The following DAB1 variants were observed in gnomAD, a reference collection of about 807,000 sequenced individuals.
DAB1 encodes the protein DAB adaptor protein 1.
In DAB1, 15 loss-of-function variants were observed where a neutral mutation model predicts 64.6. The ratio of observed to expected loss-of-function variants is 0.23; its 90% confidence interval spans 0.16 to 0.36. DAB1 has a LOEUF of 0.36. Ranked by LOEUF, DAB1 falls within the 10% of genes least tolerant of loss-of-function variation. The pLI, the probability that DAB1 is intolerant of heterozygous loss-of-function variation, is 1.00. For missense variants in DAB1, 596 were observed against 706.7 expected, an observed-to-expected ratio of 0.84 and a Z score of 1.78; for synonymous variants, 235 against 251.9, an observed-to-expected ratio of 0.93 and a Z score of 0.64.
chr1:57,081,614 T>C (rs749387982), intron 4 of DAB1, among the ~76,000 whole-genome samples: 2 of 152,078 alleles, frequency 1.3e-5, no homozygotes, highest in African/African-American at 2.4e-5. Context: ...CTTTTTGAGG[T>C]GAGTTTTCCA....
At chr1:58,224,733 GGT>G (rs1220387065) in intron 4 of DAB1, among the ~76,000 whole-genome samples, 1 of 152,102 alleles carries the variant, frequency 6.6e-6, no homozygotes, top group African/African-American at 2.4e-5. Context: ...TTTAATAAAT[GGT>G]GCTGGGAAAA....
chr1:57,694,726 C>T lies in DAB1; in HGVS notation n.552-45061G>A, dbSNP rs181353649. 8.4e-3 allele frequency among the ~76,000 whole-genome samples: 1,275 copies of T among 151,984 alleles called. 17 individuals are homozygous for T. The highest frequency in any genetic ancestry group is 0.029 in the African/African-American group (1,221 of 41,448). On this transcript the variant is annotated intron_variant and non_coding_transcript_variant, in intron 6 of 20. Coordinates refer to the DAB1 transcript ENST00000485760. ...TTATTTTGGGACATTCCAAGAATTCCGTAAGTATCAGAAAGGTGTAATAAA... is the reference window on the plus strand; with the variant it reads ...TTATTTTGGGACATTCCAAGAATTCTGTAAGTATCAGAAAGGTGTAATAAA...
At chr1:57,115,439 T>A (rs12073482) in intron 4 of DAB1, among the ~76,000 whole-genome samples, 1,993 of 152,296 alleles carry the variant, frequency 0.013, 43 homozygotes, top group African/African-American at 0.044. Context: ...AACAGCCCAG[T>A]CTGAAAGCTT....
At chr1:58,036,211 T>C (rs1302412800) in intron 5 of DAB1, among the ~76,000 whole-genome samples, 1 of 152,242 alleles carries the variant, frequency 6.6e-6, no homozygotes, top group Non-Finnish European at 1.5e-5. Context: ...ATTGTATTAA[T>C]TCATTTGCTC....
chr1:57,330,510 G>C lies in DAB1; in HGVS notation c.-136-39344C>G, dbSNP rs543030046. Among the ~76,000 whole-genome samples the C allele has an allele frequency of 1.7e-4, 26 of 152,268 alleles. No homozygotes were observed. The South Asian group carries it at 5.4e-3, about 32-fold the overall frequency. On this transcript the variant is annotated intron_variant, in intron 1 of 14. Transcript: ENST00000371236. Reference sequence around the variant, plus strand: ...CCTCGGTTTCCTCACCTGCAAGAGGGAGAGAATAATAATGACCTTGAAGTG... The same window carrying C: ...CCTCGGTTTCCTCACCTGCAAGAGGCAGAGAATAATAATGACCTTGAAGTG...
chr1:57,970,669 C>T (rs879940191), intron 5 of DAB1, among the ~76,000 whole-genome samples: 9 of 152,134 alleles, frequency 5.9e-5, no homozygotes, highest in Admixed American at 5.9e-4. Flanking sequence ...CCAAAGCTCA[C>T]AGTCACTCCC....
chr1:57,205,430 G>A (rs75631864), intron 2 of DAB1, among the ~76,000 whole-genome samples: 4,068 of 152,240 alleles, frequency 0.027, 202 homozygotes, highest in African/African-American at 0.093. Flanking sequence ...AAAGGTTCTC[G>A]GCACCAGAGT....
intron 9 of DAB1, among the ~76,000 whole-genome samples, chr1:57,062,652 C>G (rs991085476): frequency 1.3e-5 from 2 of 152,204 alleles, no homozygotes; most frequent in Non-Finnish European, 2.9e-5. Flanking sequence ...CTCACTCCCA[C>G]TCATGGGACC....
intron 3 of DAB1, among the ~76,000 whole-genome samples, chr1:58,403,211 ATGAATTC>A (rs1244903720): frequency 1.3e-5 from 2 of 152,058 alleles, no homozygotes; most frequent in African/African-American, 4.8e-5. Flanking sequence ...CTTGTTTCTT[ATGAATTC>A]TGTACATATC....
intron 6 of DAB1, among the ~76,000 whole-genome samples, chr1:57,688,886 T>C (rs1646731382): frequency 6.6e-6 from 1 of 151,910 alleles, no homozygotes; most frequent in South Asian, 2.1e-4. Context: ...GACATAAAGA[T>C]GGGAACAATA....
intron 5 of DAB1, among the ~76,000 whole-genome samples, chr1:58,116,270 C>T (rs899945164): frequency 2.6e-5 from 4 of 152,160 alleles, no homozygotes; most frequent in Non-Finnish European, 4.4e-5. Flanking sequence ...GGCTATGTTC[C>T]TGGAAGCATC....
intron 1 of DAB1, among the ~76,000 whole-genome samples, chr1:57,357,570 T>G (rs1265347875): frequency 6.6e-6 from 1 of 151,642 alleles, no homozygotes; most frequent in Non-Finnish European, 1.5e-5. Flanking sequence ...TTTTCTTTGT[T>G]TCTTTTTCAG....
At chr1:57,206,281 T>G (rs141833586) in intron 2 of DAB1, among the ~76,000 whole-genome samples, 1 of 152,162 alleles carries the variant, frequency 6.6e-6, no homozygotes, top group Non-Finnish European at 1.5e-5. Context: ...AGAACCTCCC[T>G]CCACAGCCTG....
At chr1:57,317,560 C>T (rs1675321264) in intron 1 of DAB1, among the ~76,000 whole-genome samples, 1 of 152,150 alleles carries the variant, frequency 6.6e-6, no homozygotes, top group Non-Finnish European at 1.5e-5. Flanking sequence ...CTACCCCACT[C>T]CTATACCACC....
chr1:58,398,742 G>T (rs1644544530), intron 3 of DAB1, among the ~76,000 whole-genome samples: 1 of 152,228 alleles, frequency 6.6e-6, no homozygotes, highest in African/African-American at 2.4e-5. Context: ...AACCTAGTAA[G>T]TGGGGAGCTG....
At position 58,162,735 on chromosome 1, in the gene DAB1, A is replaced by G. The variant is rs377361677; in HGVS notation, n.310-12147T>C. On this transcript the variant is annotated intron_variant and non_coding_transcript_variant, in intron 4 of 20. Transcript: ENST00000485760. ...TGGCTAGGTGGTATACATTGTATGT[A>G]TACATTATAATAAGGAATATGTGTA... 1.5e-4 allele frequency among the ~76,000 whole-genome samples: 23 copies of G among 152,332 alleles called. 1 individual carries two copies. Among genetic ancestry groups the G allele is most frequent in the African/African-American group, 5.3e-4 (22 of 41,588 alleles).
rs559812179 is a variant in DAB1 at position 58,435,399 on chromosome 1, G to C, written n.257+70661C>G. Among the ~76,000 whole-genome samples the C allele has an allele frequency of 2.0e-5, 3 of 152,056 alleles. No homozygotes were observed. The East Asian group carries it at 5.8e-4, about 29-fold the overall frequency. ...TTCCATGACCTTGTTTTTCCCCCAT[G>C]GTCGTAGCTACCACTCATATCTTAT... On this transcript the variant is annotated intron_variant and non_coding_transcript_variant, in intron 3 of 20. Coordinates refer to the DAB1 transcript ENST00000485760.
chr1:57,232,433 A>G (rs1438520030), intron 2 of DAB1, among the ~76,000 whole-genome samples: 1 of 152,018 alleles, frequency 6.6e-6, no homozygotes, highest in African/African-American at 2.4e-5. Flanking sequence ...TTACTATGCA[A>G]CTACTACCTG....
intron 1 of DAB1, among the ~76,000 whole-genome samples, chr1:57,835,887 C>G (rs567775958): frequency 6.6e-6 from 1 of 152,302 alleles, no homozygotes; most frequent in East Asian, 1.9e-4. Context: ...ACCAATGCCC[C>G]ATGACGTTCA....
Sources: gnomAD v4.1 joint callset for allele counts (sites outside exome capture counted in the v4.1 genomes callset) on GRCh38, gnomAD v4.1.1 for gene constraint, MANE v1.5 for transcripts, NCBI Gene and HGNC (gene_info 2026-07-23, HGNC 2026-07-21) for gene names.